Variants in GATAD2B observed in about 807,000 individuals in gnomAD.
GATAD2B encodes transcriptional repressor p66-beta.
A neutral mutation model predicts 64.3 loss-of-function variants in GATAD2B; 8 were observed. The observed-to-expected ratio is 0.12, with a 90% CI of 0.07 to 0.22. The LOEUF is 0.22. Ranked by LOEUF, GATAD2B falls within the 10% of genes least tolerant of loss-of-function variation. GATAD2B has a pLI of 1.00. For missense variants in GATAD2B, 453 were observed against 752.0 expected, an observed-to-expected ratio of 0.60 and a Z score of 4.65; for synonymous variants, 281 against 271.3, an observed-to-expected ratio of 1.04 and a Z score of -0.35.
chr1:153,880,792 C>T (rs914158324), intron 1 of GATAD2B, among the ~76,000 whole-genome samples: 1 of 149,836 alleles, frequency 6.7e-6, no homozygotes, highest in Non-Finnish European at 1.5e-5. Flanking sequence ...TGCAGTGAGC[C>T]GTGATCACAT....
chr1:153,865,136 C>T (rs1165599358), intron 1 of GATAD2B, among the ~76,000 whole-genome samples: 1 of 151,450 alleles, frequency 6.6e-6, no homozygotes, highest in Non-Finnish European at 1.5e-5. Flanking sequence ...CCAAGAAACA[C>T]AACAAATAGG....
intron 1 of GATAD2B, among the ~76,000 whole-genome samples, chr1:153,845,952 C>T (rs946011151): frequency 2.0e-5 from 3 of 146,478 alleles, no homozygotes; most frequent in South Asian, 2.2e-4. Context: ...CCGCCCCCCC[C>T]CCGCCCCAAA....
At chr1:153,894,984 C>A (rs1342499927) in intron 1 of GATAD2B, among the ~76,000 whole-genome samples, 2 of 152,126 alleles carry the variant, frequency 1.3e-5, no homozygotes, top group Middle Eastern at 3.2e-3. Context: ...CATGGAGAAA[C>A]CCCATCTCTA....
intron 1 of GATAD2B, among the ~76,000 whole-genome samples, chr1:153,911,692 C>T (rs143350570): frequency 0.02 from 3,065 of 151,870 alleles, 110 homozygotes; most frequent in African/African-American, 0.07. Context: ...GCAGAGATCG[C>T]GCCACTGCAC....
intron 1 of GATAD2B, among the ~76,000 whole-genome samples, chr1:153,860,645 A>G (rs1368719921): frequency 6.6e-6 from 1 of 150,754 alleles, no homozygotes; most frequent in Admixed American, 6.6e-5. Flanking sequence ...GTTAAAATTC[A>G]TTTTCTTATC....
At chr1:153,871,186 C>T (rs543246129) in intron 1 of GATAD2B, among the ~76,000 whole-genome samples, 1 of 152,284 alleles carries the variant, frequency 6.6e-6, no homozygotes, top group South Asian at 2.1e-4. Context: ...CTTGCCTCAG[C>T]CTCCCAAGTA....
intron 1 of GATAD2B, among the ~76,000 whole-genome samples, chr1:153,908,324 T>C (rs1456396719): frequency 1.3e-5 from 2 of 152,020 alleles, no homozygotes; most frequent in African/African-American, 4.8e-5. Flanking sequence ...CAAGACCCCA[T>C]CGCTATAAAA....
chr1:153,901,129 C>T (rs1188907903), intron 1 of GATAD2B, among the ~76,000 whole-genome samples: 1 of 151,688 alleles, frequency 6.6e-6, no homozygotes, highest in East Asian at 1.9e-4. Context: ...CAGAAGAATC[C>T]CTTGAACCCG....
chr1:153,815,101 A>AAAAAAAAAAAAAC (rs1674415156), intron 7 of GATAD2B, among the ~76,000 whole-genome samples: 1 of 144,124 alleles, frequency 6.9e-6, no homozygotes, highest in Non-Finnish European at 1.5e-5. Flanking sequence ...AAAAAAAAAA[A>AAAAAAAAAAAAAC]AAAAAAAAAA....
At chr1:153,864,690 C>T (rs773386156) in intron 1 of GATAD2B, among the ~76,000 whole-genome samples, 1 of 152,096 alleles carries the variant, frequency 6.6e-6, no homozygotes, top group Non-Finnish European at 1.5e-5. Flanking sequence ...AAAGCAACAA[C>T]AAAAAACCAA....
intron 1 of GATAD2B, among the ~76,000 whole-genome samples, chr1:153,866,323 A>C (rs1320754404): frequency 6.6e-6 from 1 of 152,166 alleles, no homozygotes; most frequent in Non-Finnish European, 1.5e-5. Flanking sequence ...TCTAATGACA[A>C]TTCATGTATT....
Position 153,908,781 on chromosome 1 carries a change from G to GA in GATAD2B, c.-2+13951_-2+13952insT, listed in dbSNP as rs1557832980. Among the ~76,000 whole-genome samples, 18 of 29,188 alleles carry GA rather than the reference G, an allele frequency of 6.2e-4. 2 individuals carry two copies. The highest frequency in any genetic ancestry group is 8.0e-4 in the Non-Finnish European group (6 of 7,506). 19.1% of individuals were successfully genotyped at this position (29,188 alleles called of 152,430 possible). A position where few individuals can be genotyped will look rare whatever the true frequency, so the allele number is the denominator to read the frequency against. On this transcript the variant is annotated intron_variant, in intron 1 of 10. Coordinates refer to ENST00000368655, the MANE Select transcript of GATAD2B (RefSeq NM_020699.4). Reference sequence around the variant, plus strand: ...CCGCACCTGGCCTAGAAACATACTTGGAAAAAAAAAAAAAAAAAAAAGAAA... The same window carrying GA: ...CCGCACCTGGCCTAGAAACATACTTGAGAAAAAAAAAAAAAAAAAAAAGAAA...
At chr1:153,882,976 C>T (rs1677054312) in intron 1 of GATAD2B, among the ~76,000 whole-genome samples, 1 of 152,142 alleles carries the variant, frequency 6.6e-6, no homozygotes, top group Admixed American at 6.6e-5. Flanking sequence ...GGCTGAGGAC[C>T]TTTGCTCTAG....
chr1:153,810,484 G>A (rs1674257516), intron 10 of GATAD2B, among the ~76,000 whole-genome samples, 174 bp from the exon 11 acceptor site: 1 of 152,144 alleles, frequency 6.6e-6, no homozygotes, highest in Non-Finnish European at 1.5e-5. Context: ...TTTTTGAGAT[G>A]CAGTCTCATT....
At chr1:153,839,319 G>C (rs955931877) in intron 1 of GATAD2B, among the ~76,000 whole-genome samples, 1 of 152,016 alleles carries the variant, frequency 6.6e-6, no homozygotes, top group Admixed American at 6.6e-5. Context: ...AAAGACTTAA[G>C]AGGATCCTGA....
intron 1 of GATAD2B, among the ~76,000 whole-genome samples, chr1:153,865,038 C>T (rs1184765290): frequency 6.6e-6 from 1 of 152,078 alleles, no homozygotes; most frequent in Non-Finnish European, 1.5e-5. Flanking sequence ...CCACTGCACT[C>T]CAGCCTGGGT....
chr1:153,862,190 T>G lies in GATAD2B; in HGVS notation c.-1-33842A>C, dbSNP rs1676323449. Among the ~76,000 whole-genome samples the G allele has an allele frequency of 2.1e-5, 3 of 145,764 alleles. No homozygotes were observed. The Admixed American group carries it at 2.1e-4, about 10-fold the overall frequency. On this transcript the variant is annotated intron_variant, in intron 1 of 10. Coordinates refer to ENST00000368655, the MANE Select transcript of GATAD2B (RefSeq NM_020699.4). Reference sequence around the variant, plus strand: ...CAGGATGGAGTGCAGCGGCGTGATCTCAGCTCACTGCAAACTCCACCTCCC... The same window carrying G: ...CAGGATGGAGTGCAGCGGCGTGATCGCAGCTCACTGCAAACTCCACCTCCC...
At chr1:153,818,561 G>A (rs536785932) in intron 4 of GATAD2B, among the ~76,000 whole-genome samples, 8 of 151,868 alleles carry the variant, frequency 5.3e-5, no homozygotes, top group African/African-American at 7.2e-5. Flanking sequence ...TGATCCACCC[G>A]CCTCGGCCTC....
At chr1:153,817,311 G>A (rs987123739) in intron 6 of GATAD2B, 61 bp downstream of exon 6, 52 of 1,430,380 alleles carry the variant, frequency 3.6e-5, no homozygotes, top group Non-Finnish European at 4.5e-5. Context: ...TGGCCCTTTC[G>A]ACAAGCAAAG....
Sources: allele counts gnomAD v4.1 joint callset (sites outside exome capture counted in the v4.1 genomes callset), GRCh38; gene constraint gnomAD v4.1.1; transcripts MANE v1.5; gene names NCBI Gene and HGNC (gene_info 2026-07-23, HGNC 2026-07-21).